The following USP12 variants were observed in gnomAD, a reference collection of about 807,000 sequenced individuals.
The protein encoded by USP12 is ubiquitin specific peptidase 12.
In USP12, 19 loss-of-function variants were observed where a neutral mutation model predicts 45.5. The ratio of observed to expected loss-of-function variants is 0.42; its 90% CI spans 0.29 to 0.61. USP12 has a LOEUF of 0.61. Among genes scored for constraint, USP12 ranks in the 20% least tolerant of loss-of-function variants. The pLI, the probability that USP12 is intolerant of heterozygous loss-of-function variation, is 0.22. For missense variants in USP12, 242 were observed against 447.7 expected (o/e 0.54, Z 4.15); for synonymous variants, 149 against 148.8 (o/e 1.00, Z -0.01).
chr13:27,099,790 G>T (rs1217108850), intron 3 of USP12, among the ~76,000 whole-genome samples: 1 of 152,142 alleles, frequency 6.6e-6, no homozygotes, highest in East Asian at 1.9e-4. Flanking sequence ...TGCAACTGAA[G>T]CCACAGTTCA....
intron 8 of USP12, 132 bp downstream of exon 8, chr13:27,070,939 A>T: frequency 1.4e-6 from 1 of 721,192 alleles, no homozygotes; most frequent in Non-Finnish European, 2.2e-6. Context: ...TAGGAATTAG[A>T]CTACAATCTA....
At chr13:27,160,923 CTCT>C (rs1278877770) in intron 1 of USP12, among the ~76,000 whole-genome samples, 1 of 152,064 alleles carries the variant, frequency 6.6e-6, no homozygotes, top group African/African-American at 2.4e-5. Context: ...CATCCATCAG[CTCT>C]TCTTCCTGAT....
At chr13:27,170,452 T>A in intron 1 of USP12, 1 of 397,184 alleles carries the variant, frequency 2.5e-6, no homozygotes, top group Non-Finnish European at 4.4e-6. Flanking sequence ...CAGAAGTCTC[T>A]AATAACAACC....
chr13:27,133,219 G>A (rs766449530), intron 1 of USP12, among the ~76,000 whole-genome samples: 1 of 151,896 alleles, frequency 6.6e-6, no homozygotes, highest in Non-Finnish European at 1.5e-5. Context: ...TAAACTTAAC[G>A]CAAACACCAC....
At chr13:27,077,691 A>C (rs1565981864) in intron 6 of USP12, 1 of 151,916 alleles carries the variant, frequency 6.6e-6, no homozygotes, top group Non-Finnish European at 1.5e-5. Context: ...AAATGGCTCC[A>C]AAAAAAAGCA....
chr13:27,100,107 G>A (rs1380237447), intron 3 of USP12, among the ~76,000 whole-genome samples: 1 of 152,030 alleles, frequency 6.6e-6, no homozygotes, highest in African/African-American at 2.4e-5. Flanking sequence ...TCCGAGGCCG[G>A]GCCAAGTCAT....
chr13:27,163,280 C>A (rs531835755), intron 1 of USP12, among the ~76,000 whole-genome samples: 1 of 152,002 alleles, frequency 6.6e-6, no homozygotes, highest in African/African-American at 2.4e-5. Flanking sequence ...TTTAAATATG[C>A]CCCCTTCCTA....
chr13:27,154,758 T>C (rs1877737267), intron 1 of USP12, among the ~76,000 whole-genome samples: 1 of 152,184 alleles, frequency 6.6e-6, no homozygotes, highest in Admixed American at 6.5e-5. Flanking sequence ...TTAAGGTTGC[T>C]AAAATCAAAC....
At chr13:27,126,606 T>A (rs1456892082) in intron 1 of USP12, among the ~76,000 whole-genome samples, 1 of 151,978 alleles carries the variant, frequency 6.6e-6, no homozygotes, top group African/African-American at 2.4e-5. Context: ...TGCATTCGTG[T>A]CCCCATTCTA....
At chr13:27,118,061 C>T (rs944376067) in intron 1 of USP12, among the ~76,000 whole-genome samples, 1 of 150,408 alleles carries the variant, frequency 6.6e-6, no homozygotes, top group Non-Finnish European at 1.5e-5. Context: ...CAAAATGTCA[C>T]AGTGAAGAGC....
chr13:27,160,284 GA>G (rs1033026237), intron 1 of USP12, among the ~76,000 whole-genome samples: 15 of 152,290 alleles, frequency 9.8e-5, no homozygotes, highest in African/African-American at 3.6e-4. Flanking sequence ...TGTATAGTGA[GA>G]AAACAACCAG....
chr13:27,139,886 A>G (rs1876980436), intron 1 of USP12, among the ~76,000 whole-genome samples: 1 of 152,232 alleles, frequency 6.6e-6, no homozygotes, highest in African/African-American at 2.4e-5. Context: ...AGGGAAACAG[A>G]GTTTCTGCCT....
intron 1 of USP12, among the ~76,000 whole-genome samples, chr13:27,134,165 C>G (rs1010547341): frequency 4.6e-5 from 7 of 152,152 alleles, no homozygotes; most frequent in Non-Finnish European, 1.5e-5. Context: ...TAATTAGTCA[C>G]ACATTATGAC....
intron 1 of USP12, among the ~76,000 whole-genome samples, chr13:27,132,722 A>C (rs1876562776): frequency 6.6e-6 from 1 of 152,226 alleles, no homozygotes; most frequent in Non-Finnish European, 1.5e-5. Flanking sequence ...CAGTACTCAG[A>C]ATAGGAATGT....
chr13:27,108,680 G>C (rs1357751097), intron 2 of USP12, among the ~76,000 whole-genome samples: 1 of 152,160 alleles, frequency 6.6e-6, no homozygotes, highest in Admixed American at 6.5e-5. Context: ...TTTTAGGCTG[G>C]GTACAATGGC....
At chr13:27,168,836 T>C (rs906444740) in intron 1 of USP12, 8 of 152,252 alleles carry the variant, frequency 5.3e-5, no homozygotes, top group African/African-American at 1.7e-4. Context: ...AATTAAGGTA[T>C]TGCAGATTTG....
chr13:27,143,902 T>G (rs1388140831), intron 1 of USP12, among the ~76,000 whole-genome samples: 1 of 152,240 alleles, frequency 6.6e-6, no homozygotes, highest in Non-Finnish European at 1.5e-5. Context: ...CAGTCTTATC[T>G]GTTCAAAAAG....
rs1254762392 is a variant in USP12, at chr13:27,157,399, G to A, written c.48+14193C>T. On this transcript the variant is annotated intron_variant, in intron 1 of 8. Coordinates refer to ENST00000282344, the MANE Select transcript of USP12 (RefSeq NM_182488.4). Reference sequence around the variant, plus strand: ...CCCCGTCATTACTTTGGGAAAAAGTGGATGTTCTAGGTATGATCTCTCCCA... The same window carrying A: ...CCCCGTCATTACTTTGGGAAAAAGTAGATGTTCTAGGTATGATCTCTCCCA... Among the ~76,000 whole-genome samples the A allele has an allele frequency of 3.3e-5, 5 of 152,190 alleles. No homozygotes were observed. The East Asian group carries it at 9.6e-4, about 29-fold the overall frequency.
chr13:27,151,882 A>G (rs9512558), intron 1 of USP12, among the ~76,000 whole-genome samples: 6,974 of 152,322 alleles, frequency 0.046, 228 homozygotes, highest in Middle Eastern at 0.13. Flanking sequence ...CAAATGGCCA[A>G]TAAGTACCTA....
Sources: gnomAD v4.1 joint callset for allele counts (sites outside exome capture counted in the v4.1 genomes callset) on GRCh38, gnomAD v4.1.1 for gene constraint, MANE v1.5 for transcripts, NCBI Gene and HGNC (gene_info 2026-07-23, HGNC 2026-07-21) for gene names.